The following WDR35 variants were observed in gnomAD, a reference collection of about 807,000 sequenced individuals.
WDR35 encodes the protein WD repeat domain 35.
Under a neutral mutation model 158.3 loss-of-function variants are expected in WDR35, and 118 were observed. The observed-to-expected ratio is 0.75, with a 90% CI of 0.64 to 0.87. The LOEUF is 0.87. Ranked by LOEUF, WDR35 falls within the 40% of genes least tolerant of loss-of-function variation. The pLI is 0.00. For synonymous variants in WDR35, 448 were observed against 476.1 expected (o/e 0.94, Z 0.77); for missense variants, 1,263 against 1,405.8 (o/e 0.90, Z 1.62).
chr2:19,945,471 T>G lies in WDR35; in HGVS notation c.1845+315A>C, dbSNP rs1671015555. Among the ~76,000 whole-genome samples the G allele has an allele frequency of 2.0e-5, 3 of 152,190 alleles. No individual in the cohort carries two copies. In the South Asian group the frequency reaches 6.2e-4, roughly 31 times the overall value. ...AAATTCTGGTAAATAAGGCTACTGA[T>G]TTTGTTTTCTTAAGTTTGACAAGGG... On this transcript the variant is annotated intron_variant, in intron 16 of 26. Transcript: ENST00000281405.
chr2:19,968,918 C>G (rs893569392), intron 9 of WDR35, among the ~76,000 whole-genome samples: 2 of 152,196 alleles, frequency 1.3e-5, no homozygotes, highest in Non-Finnish European at 2.9e-5. Flanking sequence ...TTTCTACGAA[C>G]TCCGTCACCT....
intron 25 of WDR35, among the ~76,000 whole-genome samples, chr2:19,916,365 C>A (rs563636306): frequency 6.6e-6 from 1 of 152,124 alleles, no homozygotes; most frequent in Non-Finnish European, 1.5e-5. Context: ...ACCCCAGTGG[C>A]GCCTGGAACA....
chr2:19,912,896 G>A lies in WDR35; in HGVS notation c.*662C>T, dbSNP rs1391233929. The A allele has an allele frequency of 1.3e-5, 2 of 152,222 alleles. No homozygotes were observed. The highest frequency in any genetic ancestry group is 1.9e-4 in the East Asian group (1 of 5,184). 9.4% of individuals were successfully genotyped at this position (152,222 alleles called of 1,614,324 possible). ...TAAGTTATCTTCATTATAAATAGAG[G>A]CAAGTTTTCTGCACAATCATATGAA... On this transcript the variant is annotated 3_prime_UTR_variant, in exon 27 of 27. Coordinates refer to ENST00000281405, the MANE Select transcript of WDR35 (RefSeq NM_020779.4).
intron 25 of WDR35, among the ~76,000 whole-genome samples, chr2:19,917,980 G>A (rs1670041461): frequency 6.6e-6 from 1 of 151,976 alleles, no homozygotes; most frequent in Non-Finnish European, 1.5e-5. Context: ...AAATGTTAAG[G>A]GCAACCTGAG....
At chr2:19,927,198 G>A (rs1351120332) in intron 25 of WDR35, among the ~76,000 whole-genome samples, 1 of 152,200 alleles carries the variant, frequency 6.6e-6, no homozygotes, top group Non-Finnish European at 1.5e-5. Flanking sequence ...ATGCCTAGAT[G>A]TAATCACTCT....
At chr2:19,967,739 T>C (rs1671904119) in intron 9 of WDR35, among the ~76,000 whole-genome samples, 1 of 152,190 alleles carries the variant, frequency 6.6e-6, no homozygotes, top group Non-Finnish European at 1.5e-5. Context: ...AAAATAGTTT[T>C]AGATGGACAG....
chr2:19,963,874 G>T (rs1465481415), intron 10 of WDR35, among the ~76,000 whole-genome samples: 1 of 152,084 alleles, frequency 6.6e-6, no homozygotes, highest in Non-Finnish European at 1.5e-5. Context: ...TTCCCAAGTA[G>T]CTGGGATTAC....
At chr2:19,963,972 A>G (rs1671751956) in intron 10 of WDR35, among the ~76,000 whole-genome samples, 1 of 152,026 alleles carries the variant, frequency 6.6e-6, no homozygotes, top group South Asian at 2.1e-4. Flanking sequence ...CCAAACTCCT[A>G]ACCTCAGGTG....
At chr2:19,941,542 G>A (rs1016646642) in intron 17 of WDR35, among the ~76,000 whole-genome samples, 1 of 152,152 alleles carries the variant, frequency 6.6e-6, no homozygotes, top group Non-Finnish European at 1.5e-5. Context: ...GGCAATAACT[G>A]AGACTTATAC....
chr2:19,966,893 T>C lies in WDR35; in HGVS notation c.1025A>G (p.Asn342Ser). 6.2e-7 allele frequency: 1 copy of C among 1,613,810 alleles called. No homozygotes were observed. Among genetic ancestry groups the C allele is most frequent in the Non-Finnish European group, 8.5e-7 (1 of 1,179,870 alleles). ...RPNYKWGYCS[N>S]TVVYAYTRPD... ...TCTGGTATATGCATAAACTACAGTG[T>C]TTGAGCAATAACCCCACTAGGAAGA... The change falls in exon 10 of 27, where the codon AAC becomes AGC. Residue 342 changes from asparagine (N) to serine (S), a missense_variant. Coordinates refer to ENST00000281405, the MANE Select transcript of WDR35 (RefSeq NM_020779.4).
At chr2:19,928,280 C>T (rs986793790) in intron 25 of WDR35, among the ~76,000 whole-genome samples, 2 of 152,242 alleles carry the variant, frequency 1.3e-5, no homozygotes, top group Non-Finnish European at 2.9e-5. Context: ...TTCAGCCCAT[C>T]CCTTCGTTTC....
At chr2:19,987,209 G>A (rs1419428740) in intron 2 of WDR35, among the ~76,000 whole-genome samples, 1 of 152,202 alleles carries the variant, frequency 6.6e-6, no homozygotes, top group African/African-American at 2.4e-5. Context: ...ATAGAAAGCA[G>A]GCATGCAATA....
At chr2:19,931,592 C>T (rs1670528099) in intron 23 of WDR35, among the ~76,000 whole-genome samples, 183 bp from the exon 24 acceptor site, 3 of 152,056 alleles carry the variant, frequency 2.0e-5, no homozygotes, top group African/African-American at 4.8e-5. Context: ...AGTACCTATT[C>T]GTATTTAGTT....
At chr2:19,960,470 TTAA>T in intron 11 of WDR35, 81 bp downstream of exon 11, 1 of 1,114,808 alleles carries the variant, frequency 9.0e-7, no homozygotes. Flanking sequence ...ACCATTCTAA[TTAA>T]TAATACCAGT....
At chr2:19,929,643 T>C (rs964894022) in intron 25 of WDR35, among the ~76,000 whole-genome samples, 1 of 152,216 alleles carries the variant, frequency 6.6e-6, no homozygotes, top group Non-Finnish European at 1.5e-5. Context: ...AATTACAGTA[T>C]ACAAATACCA....
intron 10 of WDR35, among the ~76,000 whole-genome samples, chr2:19,964,914 A>G (rs1196060581): frequency 6.6e-6 from 1 of 151,864 alleles, no homozygotes. Context: ...GGTAATATTA[A>G]TGGTTCTTTC....
chr2:19,931,494 T>G, intron 23 of WDR35, 85 bp from the exon 24 acceptor site: 22 of 1,465,234 alleles, frequency 1.5e-5, no homozygotes, highest in Non-Finnish European at 1.8e-5. Flanking sequence ...ACAAATTTGA[T>G]TCCCTAAAAA....
chr2:19,943,846 C>G (rs1206210322), intron 16 of WDR35, among the ~76,000 whole-genome samples: 1 of 152,068 alleles, frequency 6.6e-6, no homozygotes, highest in Non-Finnish European at 1.5e-5. Flanking sequence ...TGAATTAAAA[C>G]TTTGCACACA....
At chr2:19,921,905 G>A (rs1471502690) in intron 25 of WDR35, among the ~76,000 whole-genome samples, 4 of 152,324 alleles carry the variant, frequency 2.6e-5, no homozygotes, top group South Asian at 2.1e-4. Context: ...CAAAAAGTGG[G>A]TGAAGGATAT....
Sources: allele counts gnomAD v4.1 joint callset (sites outside exome capture counted in the v4.1 genomes callset), GRCh38; gene constraint gnomAD v4.1.1; transcripts MANE v1.5; gene names NCBI Gene and HGNC (gene_info 2026-07-23, HGNC 2026-07-21).